ECM2: variants seen among roughly 807,000 people sequenced by gnomAD.
ECM2 encodes extracellular matrix protein 2.
In ECM2, 57 loss-of-function variants were observed where a neutral mutation model predicts 67.5. The ratio of observed to expected loss-of-function variants is 0.84; its 90% CI spans 0.68 to 1.05. The LOEUF (loss-of-function observed/expected upper bound fraction) is 1.05, where lower values mean the gene tolerates loss of function less well. Among genes scored for constraint, ECM2 ranks in the 50% least tolerant of loss-of-function variants. The pLI is 0.00. For synonymous variants in ECM2, 258 were observed against 294.5 expected, an observed-to-expected ratio of 0.88 and a Z score of 1.27; for missense variants, 741 against 822.8, an observed-to-expected ratio of 0.90 and a Z score of 1.22.
intron 6 of ECM2, among the ~76,000 whole-genome samples, 156 bp downstream of exon 6, chr9:92,509,743 G>C (rs1318323286): frequency 6.6e-6 from 1 of 152,178 alleles, no homozygotes; most frequent in Non-Finnish European, 1.5e-5. Context: ...CGTTTTACCA[G>C]TCAATAGTTA....
chr9:92,522,478 G>A, intron 2 of ECM2, 97 bp downstream of exon 2: 2 of 1,210,214 alleles, frequency 1.7e-6, no homozygotes, highest in Admixed American at 3.2e-5. Context: ...TTATCTTCAT[G>A]GAGATGTTCT....
chr9:92,536,064 C>T (rs780792972), upstream of ECM2: 1 of 494,202 alleles, frequency 2.0e-6, no homozygotes, highest in South Asian at 1.5e-5. Flanking sequence ...TGCTGAACTT[C>T]TTAGTAAAAT....
At chr9:92,557,135 TGAG>T in the ECM2 span, among the ~76,000 whole-genome samples, 1 of 152,224 alleles carries the variant, frequency 6.6e-6, no homozygotes, top group Non-Finnish European at 1.5e-5. Context: ...TTGTTTTGTT[TGAG>T]GAGTAGGGTC....
chr9:92,548,866 T>C, the ECM2 span, among the ~76,000 whole-genome samples: 3 of 152,208 alleles, frequency 2.0e-5, no homozygotes, highest in Non-Finnish European at 2.9e-5. Flanking sequence ...TTTGTGTGTG[T>C]GTGTGTGTGT....
intron 8 of ECM2, among the ~76,000 whole-genome samples, chr9:92,502,196 G>A (rs1214684097): frequency 1.3e-5 from 2 of 152,172 alleles, no homozygotes; most frequent in Non-Finnish European, 2.9e-5. Flanking sequence ...GGCAGACCTC[G>A]AAGTCAGACA....
At chr9:92,499,100 C>T (rs1020703883) in intron 9 of ECM2, among the ~76,000 whole-genome samples, 9 of 152,138 alleles carry the variant, frequency 5.9e-5, no homozygotes, top group African/African-American at 2.2e-4. Context: ...CTGAGGCCCA[C>T]GTGTGCCCAA....
the ECM2 span, among the ~76,000 whole-genome samples, chr9:92,550,193 C>T: frequency 3.9e-5 from 6 of 152,234 alleles, no homozygotes; most frequent in South Asian, 2.1e-4. Context: ...GTCAGGAGAT[C>T]GAGACCATCC....
At chr9:92,551,219 G>A in the ECM2 span, among the ~76,000 whole-genome samples, 2 of 152,190 alleles carry the variant, frequency 1.3e-5, no homozygotes, top group African/African-American at 4.8e-5. Context: ...ATTATCATGA[G>A]TGGAAGCCAC....
intron 9 of ECM2, among the ~76,000 whole-genome samples, chr9:92,499,049 C>T (rs895193330): frequency 2.6e-5 from 4 of 152,152 alleles, no homozygotes; most frequent in African/African-American, 7.2e-5. Flanking sequence ...AGGCCAAGCT[C>T]TTTGGAGGAA....
the ECM2 span, among the ~76,000 whole-genome samples, chr9:92,552,164 ATATGTGATATGATAGATCTAT>A: frequency 7.9e-4 from 105 of 132,614 alleles, 1 homozygote; most frequent in Non-Finnish European, 1.0e-3. Flanking sequence ...TCTATCATAT[ATATGTGATATGATAGATCTAT>A]CATATACACA....
downstream of ECM2, among the ~76,000 whole-genome samples, chr9:92,495,072 T>C (rs957189800): frequency 4.6e-5 from 7 of 152,200 alleles, no homozygotes; most frequent in African/African-American, 1.7e-4. Context: ...CAAAATGCTT[T>C]ACATTCTTTT....
the ECM2 span, among the ~76,000 whole-genome samples, chr9:92,545,620 T>C: frequency 6.6e-6 from 1 of 152,136 alleles, no homozygotes; most frequent in Non-Finnish European, 1.5e-5. Flanking sequence ...GCCCAAGGGC[T>C]GAGGAGTGCG....
intron 2 of ECM2, 140 bp downstream of exon 2, chr9:92,522,435 G>C (rs1006171945): frequency 4.2e-5 from 42 of 996,918 alleles, no homozygotes; most frequent in Middle Eastern, 4.6e-4. Flanking sequence ...AAACCAAAAA[G>C]TAATATAATA....
At chr9:92,505,501 A>G in intron 7 of ECM2, 32 bp downstream of exon 7, 1 of 1,530,892 alleles carries the variant, frequency 6.5e-7, no homozygotes, top group South Asian at 1.2e-5. Flanking sequence ...CAAATATAAT[A>G]CATTTAAAAC....
At position 92,496,425 on chromosome 9, in the gene ECM2, G is replaced by A; in HGVS notation, c.1990C>T (p.His664Tyr). ...ATATAATTGTTTTCAAGATGAAGAT[G>A]TTCCAGATTTGAGTCATCATCCTCT... is the stretch of plus-strand genomic sequence containing the variant. ...AEEDDDSNLE[H>Y]LHLENNYIKI... Residue 664 changes from histidine to tyrosine, a missense_variant, in exon 10 of 10, where the codon CAT becomes TAT. By Grantham distance (83) the His-to-Tyr change is moderately conservative (BLOSUM62 2). Transcript: ENST00000344604. The A allele has an allele frequency of 6.2e-7, 1 of 1,609,390 alleles. No homozygotes were observed. Among genetic ancestry groups the A allele is most frequent in the Admixed American group, 1.7e-5 (1 of 59,390 alleles).
At position 92,514,955 on chromosome 9, in the gene ECM2, C is replaced by A; in HGVS notation, c.730G>T (p.Asp244Tyr). 6.2e-7 allele frequency: 1 copy of A among 1,614,064 alleles called. No homozygotes were observed. Among genetic ancestry groups the A allele is most frequent in the Non-Finnish European group, 8.5e-7 (1 of 1,179,990 alleles). The change falls in exon 4 of 10, where the codon GAC becomes TAC. Residue 244 changes from aspartate to tyrosine, a missense_variant. Asp to Tyr is a radical substitution (Grantham distance 160, BLOSUM62 -3). Coordinates refer to ENST00000344604, the MANE Select transcript of ECM2 (RefSeq NM_001393.4). ...TGCTTTCTGTCTCCTCCTCTGCTGT[C>A]CCCCTCACTGTAAAGTTGCCCCTGA... ...RNQGQLYSEG[D>Y]SRGGDRKQRP...
chr9:92,509,966 T>C lies in ECM2; in HGVS notation c.1239A>G (p.Pro413=). Residue 413 remains proline, a synonymous_variant, in exon 6 of 10, where the codon CCA becomes CCG. Coordinates refer to ENST00000344604, the MANE Select transcript of ECM2 (RefSeq NM_001393.4). ...NNLIQIPSQL[P]STLEELKVNE... The stretch of plus-strand genomic sequence containing the variant: ...TGACTTTAAGTTCTTCTAATGTAGA[T>C]GGCAATTGTGAAGGAATCTGTATCA... 1 of 1,611,028 alleles carries C rather than the reference T, an allele frequency of 6.2e-7. No individual in the cohort carries two copies. Among genetic ancestry groups the C allele is most frequent in the Non-Finnish European group, 8.5e-7 (1 of 1,179,376 alleles).
upstream of ECM2, among the ~76,000 whole-genome samples, chr9:92,540,627 C>T (rs1008298047): frequency 2.0e-5 from 3 of 150,634 alleles, no homozygotes; most frequent in East Asian, 4.0e-4. Flanking sequence ...AAAAATTAGC[C>T]GAGCATGGTG....
downstream of ECM2, chr9:92,494,123 G>C: frequency 6.3e-7 from 1 of 1,597,836 alleles, no homozygotes; most frequent in Non-Finnish European, 8.5e-7. Flanking sequence ...GTTTGTCACT[G>C]TCTCTAGAAC....
Sources: gnomAD v4.1 joint callset for allele counts (sites outside exome capture counted in the v4.1 genomes callset) on GRCh38, gnomAD v4.1.1 for gene constraint, MANE v1.5 for transcripts, NCBI Gene and HGNC (gene_info 2026-07-23, HGNC 2026-07-21) for gene names.